SNRPA1: variants seen among roughly 807,000 people sequenced by gnomAD.
The protein encoded by SNRPA1 is small nuclear ribonucleoprotein polypeptide A'.
A neutral mutation model predicts 32.3 loss-of-function variants in SNRPA1; 5 were observed. The observed-to-expected ratio is 0.15, with a 90% CI of 0.08 to 0.33. The LOEUF (loss-of-function observed/expected upper bound fraction) is 0.33. Among genes scored for constraint, SNRPA1 ranks in the 10% least tolerant of loss-of-function variants. The probability of loss-of-function intolerance (pLI) is 1.00; values close to 1 mark genes in which losing one functional copy is unlikely to be tolerated. For synonymous variants in SNRPA1, 111 were observed against 120.1 expected (o/e 0.92, Z 0.50); for missense variants, 198 against 311.1 (o/e 0.64, Z 2.74).
chr15:101,286,784 C>T (rs2039459769), intron 5 of SNRPA1, 124 bp downstream of exon 5: 2 of 616,234 alleles, frequency 3.2e-6, no homozygotes, highest in Non-Finnish European at 5.8e-6. Context: ...CATTTTCCCT[C>T]CCACTTTTAT....
chr15:101,291,797 T>C (rs935186711), intron 3 of SNRPA1, among the ~76,000 whole-genome samples, 165 bp downstream of exon 3: 33 of 152,208 alleles, frequency 2.2e-4, no homozygotes, highest in South Asian at 6.2e-4. Flanking sequence ...AGGAAAATAT[T>C]TGCAACATAC....
intron 8 of SNRPA1, among the ~76,000 whole-genome samples, chr15:101,282,757 A>T (rs2039410884): frequency 6.6e-6 from 1 of 152,242 alleles, no homozygotes; most frequent in African/African-American, 2.4e-5. Flanking sequence ...CATGCACATA[A>T]CATTACTATT....
chr15:101,295,226 G>A lies in SNRPA1; in HGVS notation c.-48C>T, dbSNP rs1567127912. ...CGCTGTGGAAAGCCCGTGGCCTCCC[G>A]CCAGCGAGACGTCCCAGCGTGCCCC... On this transcript the variant is annotated 5_prime_UTR_variant, in exon 1 of 9. Transcript: ENST00000254193. 3 of 1,453,314 alleles carry A rather than the reference G, an allele frequency of 2.1e-6. No homozygotes were observed. Among genetic ancestry groups the A allele is most frequent in the African/African-American group, 1.5e-5 (1 of 67,748 alleles). 90.0% of individuals were successfully genotyped at this position (1,453,314 alleles called of 1,614,324 possible).
At chr15:101,283,260 A>G (rs1175385449) in intron 8 of SNRPA1, among the ~76,000 whole-genome samples, 3 of 152,202 alleles carry the variant, frequency 2.0e-5, no homozygotes. Context: ...AGATGAAAAC[A>G]GTCTTCGGCC....
At chr15:101,283,721 G>A (rs1229038850) in intron 8 of SNRPA1, among the ~76,000 whole-genome samples, 1 of 152,208 alleles carries the variant, frequency 6.6e-6, no homozygotes, top group Non-Finnish European at 1.5e-5. Flanking sequence ...CGAGGCAGGT[G>A]GATCACGGGG....
chr15:101,286,788 C>A, intron 5 of SNRPA1, 120 bp downstream of exon 5: 1 of 625,024 alleles, frequency 1.6e-6, no homozygotes, highest in Non-Finnish European at 2.9e-6. Context: ...TTCCCTCCCA[C>A]TTTTATTACA....
At chr15:101,282,882 G>C (rs964954616) in intron 8 of SNRPA1, among the ~76,000 whole-genome samples, 1 of 152,130 alleles carries the variant, frequency 6.6e-6, no homozygotes, top group African/African-American at 2.4e-5. Flanking sequence ...TGTTTTCCCT[G>C]AAGTGACAGG....
At chr15:101,289,045 C>T (rs1336655873) in intron 3 of SNRPA1, among the ~76,000 whole-genome samples, 2 of 152,118 alleles carry the variant, frequency 1.3e-5, no homozygotes, top group Non-Finnish European at 2.9e-5. Context: ...AGAGCAGAGC[C>T]AGAAATTCTC....
At chr15:101,287,049 T>C (rs750744879) in intron 4 of SNRPA1, 39 bp from the exon 5 acceptor site, 10 of 1,105,956 alleles carry the variant, frequency 9.0e-6, no homozygotes, top group Middle Eastern at 2.7e-4. Context: ...AACTTGTTCA[T>C]GGCACAGCAC....
At chr15:101,294,571 T>G (rs772892202) in intron 1 of SNRPA1, among the ~76,000 whole-genome samples, 1 of 152,142 alleles carries the variant, frequency 6.6e-6, no homozygotes, top group Non-Finnish European at 1.5e-5. Flanking sequence ...TTAAAACGTC[T>G]TCATATAGGG....
intron 8 of SNRPA1, among the ~76,000 whole-genome samples, chr15:101,282,288 G>GT (rs2039404221): frequency 6.6e-6 from 1 of 152,200 alleles, no homozygotes; most frequent in Non-Finnish European, 1.5e-5. Context: ...AAAAAAAGTT[G>GT]TAACTCCTTC....
At chr15:101,281,915 C>T (rs2039399542) in intron 8 of SNRPA1, 133 bp from the exon 9 acceptor site, 2 of 799,826 alleles carry the variant, frequency 2.5e-6, no homozygotes, top group Admixed American at 2.2e-5. Context: ...GCAGCACCTG[C>T]CTTTGAGGAG....
chr15:101,281,599 C>T lies in SNRPA1; in HGVS notation c.*125G>A, dbSNP rs563465826. 1.2e-5 allele frequency: 8 copies of T among 665,980 alleles called. No individual in the cohort carries two copies. Among genetic ancestry groups the T allele is most frequent in the South Asian group, 7.2e-5 (4 of 55,248 alleles). 41.3% of individuals were successfully genotyped at this position (665,980 alleles called of 1,614,324 possible). A position where few individuals can be genotyped will look rare whatever the true frequency, so the allele number is the denominator to read the frequency against. On this transcript the variant is annotated 3_prime_UTR_variant, in exon 9 of 9. Coordinates refer to ENST00000254193, the MANE Select transcript of SNRPA1 (RefSeq NM_003090.4). ...ACTTATATTACAAAATTATCAGCAG[C>T]AGTCTTAAGCATTTCAACAATGCTG...
intron 1 of SNRPA1, chr15:101,293,462 A>C (rs1280041036): frequency 4.7e-6 from 1 of 214,802 alleles, no homozygotes; most frequent in East Asian, 1.0e-4. Flanking sequence ...AAGAACATTT[A>C]CAAGGTGCCT....
chr15:101,281,809 A>C, intron 8 of SNRPA1, 27 bp from the exon 9 acceptor site: 1 of 1,610,228 alleles, frequency 6.2e-7, no homozygotes, highest in Non-Finnish European at 8.5e-7. Context: ...AAGCAAAAGT[A>C]GTATCAATTT....
At chr15:101,282,459 G>A (rs1269546048) in intron 8 of SNRPA1, among the ~76,000 whole-genome samples, 1 of 152,240 alleles carries the variant, frequency 6.6e-6, no homozygotes, top group Non-Finnish European at 1.5e-5. Flanking sequence ...TTAGAAAAGG[G>A]AGGAAGATTT....
chr15:101,294,308 G>A (rs1033540382), intron 1 of SNRPA1, among the ~76,000 whole-genome samples: 1 of 152,226 alleles, frequency 6.6e-6, no homozygotes, highest in Non-Finnish European at 1.5e-5. Context: ...CCGCAGCGAT[G>A]CTGCTCCGAG....
intron 1 of SNRPA1, 110 bp from the exon 2 acceptor site, chr15:101,293,282 G>A (rs934831511): frequency 9.4e-6 from 7 of 746,226 alleles, no homozygotes; most frequent in Middle Eastern, 2.4e-4. Context: ...GATTTATTCA[G>A]GAAGTATTAC....
Position 101,295,101 on chromosome 15 carries a change from G to T in SNRPA1, c.78C>A (p.Leu26=). The T allele has an allele frequency of 1.3e-6, 2 of 1,526,570 alleles. No homozygotes were observed. The highest frequency in any genetic ancestry group is 2.7e-5 in the East Asian group (1 of 37,012). The allele number at this position is 1,526,570 out of a possible 1,614,324, so 94.6% of individuals were successfully genotyped here. A position where few individuals can be genotyped will look rare whatever the true frequency, so the allele number is the denominator to read the frequency against. Residue 26 remains leucine, a synonymous_variant, in exon 1 of 9, where the codon CTC becomes CTA. Transcript: ENST00000254193. The part of the protein sequence containing the change: ...TNAVRDRELD[L]RGYKIPVIEN... ...CGCCCACGCCCCCGGACTCACCCCG[G>T]AGGTCCAGCTCCCGGTCGCGCACCG...
Sources: allele counts gnomAD v4.1 joint callset (sites outside exome capture counted in the v4.1 genomes callset), GRCh38; gene constraint gnomAD v4.1.1; transcripts MANE v1.5; gene names NCBI Gene and HGNC (gene_info 2026-07-23, HGNC 2026-07-21).